The following TNPO3 variants were observed in gnomAD, a reference collection of about 807,000 sequenced individuals.
The protein encoded by TNPO3 is transportin 3, also known as transportin-3.
TNPO3 carries 65 observed loss-of-function variants against 122.8 expected under a neutral mutation model. That is an observed-to-expected ratio of 0.53 (90% CI 0.43 to 0.65). The LOEUF is 0.65. Ranked by LOEUF, TNPO3 falls within the 30% of genes least tolerant of loss-of-function variation. TNPO3 has a pLI of 0.00. For synonymous variants in TNPO3, 372 were observed against 411.2 expected, an observed-to-expected ratio of 0.90 and a Z score of 1.15; for missense variants, 850 against 1,136.7, an observed-to-expected ratio of 0.75 and a Z score of 3.63.
chr7:128,987,006 C>CT, intron 11 of TNPO3, 86 bp from the exon 12 acceptor site: 18 of 1,385,644 alleles, frequency 1.3e-5, no homozygotes, highest in Non-Finnish European at 1.6e-5. Flanking sequence ...ACTTGCTTTT[C>CT]TTTTTTTAAA....
intron 4 of TNPO3, among the ~76,000 whole-genome samples, chr7:129,007,978 G>A (rs992279367): frequency 1.3e-5 from 2 of 151,778 alleles, no homozygotes; most frequent in Admixed American, 6.6e-5. Context: ...GTGAAACCCC[G>A]TCTCTACTAA....
chr7:128,972,310 G>T, intron 19 of TNPO3, 116 bp downstream of exon 19: 1 of 1,179,866 alleles, frequency 8.5e-7, no homozygotes, highest in Non-Finnish European at 1.2e-6. Context: ...TATGATATAT[G>T]TCTACCAATA....
At chr7:129,035,000 C>T (rs1483259085) in intron 1 of TNPO3, among the ~76,000 whole-genome samples, 2 of 151,442 alleles carry the variant, frequency 1.3e-5, no homozygotes, top group East Asian at 1.9e-4. Context: ...ATCGGCCGGG[C>T]GCGGTGGCTC....
chr7:129,014,934 G>A (rs750735353), intron 4 of TNPO3, 45 bp downstream of exon 4: 2 of 1,521,974 alleles, frequency 1.3e-6, no homozygotes, highest in Non-Finnish European at 1.8e-6. Context: ...AACCGCCATG[G>A]CTTTCTGCCT....
intron 4 of TNPO3, among the ~76,000 whole-genome samples, chr7:129,014,417 G>A (rs887905497): frequency 2.0e-5 from 3 of 152,110 alleles, no homozygotes; most frequent in Non-Finnish European, 4.4e-5. Flanking sequence ...CAGCTACTCA[G>A]GAGGCTGAGG....
chr7:128,988,308 T>C (rs142107122), intron 11 of TNPO3, among the ~76,000 whole-genome samples: 93 of 152,274 alleles, frequency 6.1e-4, no homozygotes, highest in African/African-American at 2.2e-3. Flanking sequence ...TTTAAAACCA[T>C]TATGTCCATT....
chr7:129,042,034 A>C lies in TNPO3; in HGVS notation c.120+12617T>G, dbSNP rs150515953. On this transcript the variant is annotated intron_variant, in intron 1 of 22. Coordinates refer to ENST00000265388, the MANE Select transcript of TNPO3 (RefSeq NM_012470.4). ...TCACTGAGCAGGCCCTCAACAATGCAAGCACACACCCAGACAGGCGCCTAA... is the reference window on the plus strand; with the variant it reads ...TCACTGAGCAGGCCCTCAACAATGCCAGCACACACCCAGACAGGCGCCTAA... 1.5e-3 allele frequency among the ~76,000 whole-genome samples: 232 copies of C among 152,334 alleles called. 4 individuals are homozygous for C. In the South Asian group the frequency reaches 0.026, roughly 17 times the overall value.
At chr7:128,983,113 G>A (rs1480548846) in intron 13 of TNPO3, among the ~76,000 whole-genome samples, 1 of 152,176 alleles carries the variant, frequency 6.6e-6, no homozygotes, top group Non-Finnish European at 1.5e-5. Flanking sequence ...GGGAAGGGAG[G>A]TCAGATATGT....
intron 18 of TNPO3, among the ~76,000 whole-genome samples, chr7:128,972,856 G>C (rs1363790719): frequency 1.3e-5 from 2 of 152,070 alleles, no homozygotes; most frequent in Admixed American, 1.3e-4. Context: ...ATGGACTTTG[G>C]GTGATAATGA....
intron 19 of TNPO3, among the ~76,000 whole-genome samples, chr7:128,971,349 T>C (rs531056472): frequency 6.6e-6 from 1 of 152,316 alleles, no homozygotes; most frequent in South Asian, 2.1e-4. Flanking sequence ...TTTCACCATG[T>C]TGGCCAGGCT....
At chr7:129,056,035 A>T (rs1809424475), upstream of TNPO3, 3 of 1,124,520 alleles carry the variant, frequency 2.7e-6, no homozygotes, top group Non-Finnish European at 4.0e-6. Context: ...CCCTCCAGGA[A>T]GTTCTTCGTG....
chr7:129,040,242 G>A (rs1807205926), intron 1 of TNPO3, among the ~76,000 whole-genome samples: 1 of 144,364 alleles, frequency 6.9e-6, no homozygotes, highest in Admixed American at 6.9e-5. Flanking sequence ...GCAACAGGGC[G>A]AGACGCCATC....
rs770038958 is a variant in TNPO3, at chr7:129,017,961, G to A, written c.317C>T (p.Thr106Met). The part of the protein sequence containing the change: ...NLKDLSPVIV[T>M]QLALAIADLA... ...AATGAGAAGCACAGGATTTACCTGC[G>A]TTACAATAACAGGTGACAAGTCTTT... Residue 106 changes from threonine (T) to methionine (M), a missense_variant, in exon 2 of 23, where the codon ACG becomes ATG. Physicochemically the swap from Thr to Met is moderately conservative, Grantham distance 81 (BLOSUM62 -1). Coordinates refer to ENST00000265388, the MANE Select transcript of TNPO3 (RefSeq NM_012470.4). 4.3e-6 allele frequency: 7 copies of A among 1,613,898 alleles called. No individual in the cohort carries two copies. The highest frequency in any genetic ancestry group is 2.7e-5 in the African/African-American group (2 of 74,902).
chr7:129,030,626 A>C (rs1446935353), intron 1 of TNPO3: 1 of 152,148 alleles, frequency 6.6e-6, no homozygotes, highest in Non-Finnish European at 1.5e-5. Flanking sequence ...ATGGAAGACT[A>C]GGATATGGGT....
intron 1 of TNPO3, among the ~76,000 whole-genome samples, chr7:129,021,507 T>A (rs190326024): frequency 6.6e-6 from 1 of 151,608 alleles, no homozygotes; most frequent in Non-Finnish European, 1.5e-5. Flanking sequence ...GAAAAACTGC[T>A]ATGAAAAAAA....
At chr7:129,007,613 A>G (rs765825669) in intron 4 of TNPO3, among the ~76,000 whole-genome samples, 2 of 152,242 alleles carry the variant, frequency 1.3e-5, no homozygotes, top group Non-Finnish European at 2.9e-5. Context: ...TTTGTAATGA[A>G]TAACATCAGA....
At position 128,958,099 on chromosome 7, in the gene TNPO3, TA is replaced by T. The variant is rs1289092476; in HGVS notation, c.2712-785del. ...AGTTTTTGCTAAATGAACATAAGGC[TA>T]AGCTAAAAGCTAAAGCAGTGGAGAA... On this transcript the variant is annotated intron_variant, in intron 21 of 22. Coordinates refer to ENST00000265388, the MANE Select transcript of TNPO3 (RefSeq NM_012470.4). 2.7e-5 allele frequency among the ~76,000 whole-genome samples: 4 copies of T among 150,654 alleles called. No homozygotes were observed. The East Asian group carries it at 7.8e-4, about 29-fold the overall frequency.
chr7:129,054,877 G>A lies in TNPO3; in HGVS notation c.-107C>T. On this transcript the variant is annotated 5_prime_UTR_variant, in exon 1 of 23. Transcript: ENST00000265388. ...ACTGTCTGGGCCACGGCCGCTCCCT[G>A]ACTGGCGCCATCTCCTCCTCTTTGG... 2 of 1,488,850 alleles carry A rather than the reference G, an allele frequency of 1.3e-6. No homozygotes were observed. The highest frequency in any genetic ancestry group is 9.2e-7 in the Non-Finnish European group (1 of 1,090,870). 92.2% of individuals were successfully genotyped at this position (1,488,850 alleles called of 1,614,324 possible).
At chr7:129,021,907 G>A (rs1013651871) in intron 1 of TNPO3, among the ~76,000 whole-genome samples, 4 of 151,842 alleles carry the variant, frequency 2.6e-5, no homozygotes, top group African/African-American at 9.7e-5. Context: ...AAACACATCA[G>A]ATAATGTCTT....
Sources: allele counts gnomAD v4.1 joint callset (sites outside exome capture counted in the v4.1 genomes callset), GRCh38; gene constraint gnomAD v4.1.1; transcripts MANE v1.5; gene names NCBI Gene and HGNC (gene_info 2026-07-23, HGNC 2026-07-21).